The following ERC2 variants were observed in gnomAD, a reference collection of about 807,000 sequenced individuals.
ERC2 encodes ERC protein 2.
ERC2 carries 42 observed loss-of-function variants against 114.8 expected under a neutral mutation model. That is an observed-to-expected ratio of 0.37 (90% CI 0.29 to 0.47). The LOEUF (loss-of-function observed/expected upper bound fraction) is 0.47, where lower values mean the gene tolerates loss of function less well. Ranked by LOEUF, ERC2 falls within the 20% of genes least tolerant of loss-of-function variation. The pLI is 0.99. For synonymous variants in ERC2, 454 were observed against 425.5 expected (o/e 1.07, Z -0.82); for missense variants, 939 against 1,150.7 (o/e 0.82, Z 2.66).
intron 3 of ERC2, among the ~76,000 whole-genome samples, chr3:56,260,445 G>A (rs1297987699): frequency 5.3e-5 from 8 of 152,194 alleles, no homozygotes; most frequent in East Asian, 1.9e-4. Context: ...CATCGCCCCC[G>A]CGCCCCAGCC....
At chr3:55,870,959 C>G (rs896339099) in intron 14 of ERC2, among the ~76,000 whole-genome samples, 1 of 152,166 alleles carries the variant, frequency 6.6e-6, no homozygotes, top group African/African-American at 2.4e-5. Flanking sequence ...AGTTCCTGAC[C>G]CAGCTGTTAC....
intron 13 of ERC2, among the ~76,000 whole-genome samples, chr3:55,906,467 G>C (rs2064456003): frequency 6.6e-6 from 1 of 151,506 alleles, no homozygotes; most frequent in Non-Finnish European, 1.5e-5. Flanking sequence ...GTGGCAGGGG[G>C]TTCCCCAACC....
chr3:56,177,130 G>A (rs1239726203), intron 3 of ERC2, among the ~76,000 whole-genome samples: 1 of 152,196 alleles, frequency 6.6e-6, no homozygotes, highest in Non-Finnish European at 1.5e-5. Flanking sequence ...AAGCCTATGA[G>A]CTTTCAGGCT....
intron 2 of ERC2, among the ~76,000 whole-genome samples, chr3:56,406,819 G>A (rs1051870714): frequency 1.1e-4 from 16 of 152,196 alleles, no homozygotes; most frequent in African/African-American, 3.4e-4. Context: ...TACAGACCAA[G>A]AGAAAAGTTA....
intron 17 of ERC2, among the ~76,000 whole-genome samples, chr3:55,611,243 A>G (rs1416270620): frequency 6.6e-6 from 1 of 152,222 alleles, no homozygotes; most frequent in African/African-American, 2.4e-5. Context: ...AGAAGACAGA[A>G]TTTATTGAAC....
chr3:55,657,212 T>G (rs1575977597), intron 17 of ERC2: 1 of 152,114 alleles, frequency 6.6e-6, no homozygotes, highest in East Asian at 1.9e-4. Flanking sequence ...TTTGTTTTTT[T>G]TTTTGCTGTC....
At chr3:56,003,386 C>T (rs1325787633) in intron 10 of ERC2, among the ~76,000 whole-genome samples, 1 of 152,086 alleles carries the variant, frequency 6.6e-6, no homozygotes, top group African/African-American at 2.4e-5. Context: ...TTCCCTTTCT[C>T]AAGTTAAATA....
intron 14 of ERC2, among the ~76,000 whole-genome samples, chr3:55,750,314 C>G (rs1377738259): frequency 6.6e-6 from 1 of 152,134 alleles, no homozygotes; most frequent in Non-Finnish European, 1.5e-5. Context: ...TACGTTGTTT[C>G]ATTTAGTCTG....
intron 13 of ERC2, among the ~76,000 whole-genome samples, chr3:55,948,091 C>CA (rs1168210466): frequency 2.6e-5 from 4 of 152,230 alleles, no homozygotes; most frequent in African/African-American, 9.7e-5. Context: ...CAATAAAAAG[C>CA]ATAGTCACTC....
In ERC2 at chr3:55,813,162, G is replaced by A. The variant is rs76649596; in HGVS notation, c.2564+75227C>T. The stretch of plus-strand genomic sequence containing the variant: ...GTTGTACCAAGGCAGCTTGACTCCA[G>A]AGCCACAGTCTTCTAAACCACTGCT... On this transcript the variant is annotated intron_variant, in intron 14 of 17. Transcript: ENST00000288221. Among the ~76,000 whole-genome samples, 891 of 152,274 alleles carry A rather than the reference G, an allele frequency of 5.9e-3. 10 individuals carry two copies. The highest frequency in any genetic ancestry group is 0.02 in the African/African-American group (838 of 41,558).
At chr3:56,382,196 T>C (rs957661379) in intron 2 of ERC2, among the ~76,000 whole-genome samples, 1 of 152,158 alleles carries the variant, frequency 6.6e-6, no homozygotes, top group Non-Finnish European at 1.5e-5. Context: ...CCCCAACACG[T>C]GTGCCTACCC....
intron 2 of ERC2, among the ~76,000 whole-genome samples, chr3:56,423,295 A>G (rs12054386): frequency 0.059 from 9,053 of 152,338 alleles, 535 homozygotes; most frequent in East Asian, 0.31. Context: ...ATGAAGTTAT[A>G]GTAATCATCT....
chr3:55,635,662 A>G (rs1489287427), intron 17 of ERC2, among the ~76,000 whole-genome samples: 2 of 152,080 alleles, frequency 1.3e-5, no homozygotes, highest in Non-Finnish European at 2.9e-5. Context: ...AAGTGCTGGG[A>G]TTACAGGTGT....
At chr3:55,928,877 A>G (rs947485504) in intron 13 of ERC2, among the ~76,000 whole-genome samples, 2 of 152,130 alleles carry the variant, frequency 1.3e-5, no homozygotes, top group Non-Finnish European at 2.9e-5. Flanking sequence ...CCTTTCCCCA[A>G]TGTATCATTC....
intron 14 of ERC2, among the ~76,000 whole-genome samples, chr3:55,818,963 C>T (rs2149146847): frequency 6.6e-6 from 1 of 152,320 alleles, no homozygotes; most frequent in South Asian, 2.1e-4. Flanking sequence ...CAAGCTTTTA[C>T]AGATACCAGA....
intron 2 of ERC2, among the ~76,000 whole-genome samples, chr3:56,303,730 G>A (rs902286007): frequency 4.6e-5 from 7 of 152,196 alleles, no homozygotes; most frequent in African/African-American, 1.4e-4. Flanking sequence ...TCACTGAAGC[G>A]AGGGAACTGA....
intron 10 of ERC2, chr3:56,003,193 G>A (rs948927365): frequency 2.4e-6 from 3 of 1,236,200 alleles, no homozygotes; most frequent in African/African-American, 3.1e-5. Flanking sequence ...GAAAGATCCA[G>A]AAAAACAGCA....
In ERC2 at chr3:56,021,770, T is replaced by C. The variant is rs112042579; in HGVS notation, c.1642-2739A>G. On this transcript the variant is annotated intron_variant, in intron 7 of 17. Transcript: ENST00000288221. ...CCCAGCGTCTGTTGTTCCTTCTTTG[T>C]GTTCATAAGTTCTTATCATTTAGCT... 4.4e-3 allele frequency among the ~76,000 whole-genome samples: 664 copies of C among 152,316 alleles called. 3 individuals are homozygous for C. The highest frequency in any genetic ancestry group is 0.015 in the African/African-American group (640 of 41,570).
At chr3:56,315,277 T>C (rs1349368801) in intron 2 of ERC2, among the ~76,000 whole-genome samples, 4 of 152,190 alleles carry the variant, frequency 2.6e-5, no homozygotes, top group African/African-American at 2.4e-5. Flanking sequence ...TAAAAATCTA[T>C]GTGAGATAAA....
Sources: allele counts gnomAD v4.1 joint callset (sites outside exome capture counted in the v4.1 genomes callset), GRCh38; gene constraint gnomAD v4.1.1; transcripts MANE v1.5; gene names NCBI Gene and HGNC (gene_info 2026-07-23, HGNC 2026-07-21).